Variants in FAM193A observed in about 807,000 individuals in gnomAD.
The protein encoded by FAM193A is protein FAM193A.
In FAM193A, 22 loss-of-function variants were observed where a neutral mutation model predicts 126.5. The observed-to-expected ratio is 0.17, with a 90% CI of 0.12 to 0.25. The LOEUF is 0.25. Ranked by LOEUF, FAM193A falls within the 10% of genes least tolerant of loss-of-function variation. The pLI is 1.00. For synonymous variants in FAM193A, 761 were observed against 646.8 expected (o/e 1.18, Z -2.68); for missense variants, 1,675 against 1,672.8 (o/e 1.00, Z -0.02).
chr4:2,614,336 T>C (rs1252940603), intron 2 of FAM193A, among the ~76,000 whole-genome samples: 2 of 152,230 alleles, frequency 1.3e-5, no homozygotes, highest in Non-Finnish European at 2.9e-5. Context: ...TATGAATAGA[T>C]ACTGAATTTT....
At chr4:2,535,728 C>T (rs763391052), upstream of FAM193A, among the ~76,000 whole-genome samples, 16 of 152,162 alleles carry the variant, frequency 1.1e-4, no homozygotes, top group Non-Finnish European at 2.4e-4. Context: ...TGCGTGAGTG[C>T]GAGGGTGTGG....
intron 2 of FAM193A, among the ~76,000 whole-genome samples, chr4:2,596,590 G>A (rs1469812692): frequency 6.6e-6 from 1 of 152,230 alleles, no homozygotes; most frequent in Non-Finnish European, 1.5e-5. Context: ...TTTTGGCTTT[G>A]AGCTTAGTAT....
chr4:2,571,229 C>A (rs1739275983), intron 1 of FAM193A, among the ~76,000 whole-genome samples: 1 of 152,186 alleles, frequency 6.6e-6, no homozygotes, highest in South Asian at 2.1e-4. Flanking sequence ...TATGACAGGC[C>A]TTGTTGTGGG....
intron 5 of FAM193A, among the ~76,000 whole-genome samples, chr4:2,639,420 T>C (rs1744391094): frequency 6.6e-6 from 1 of 152,146 alleles, no homozygotes; most frequent in South Asian, 2.1e-4. Flanking sequence ...TTGTGAGAAA[T>C]GACTCTCAAA....
intron 1 of FAM193A, among the ~76,000 whole-genome samples, chr4:2,553,434 G>A (rs1305464400): frequency 7.0e-6 from 1 of 143,830 alleles, no homozygotes; most frequent in Non-Finnish European, 1.5e-5. Flanking sequence ...AGGTTAGAGT[G>A]CAGTGGTGCG....
At chr4:2,572,501 T>C (rs1739352245) in intron 1 of FAM193A, among the ~76,000 whole-genome samples, 1 of 152,098 alleles carries the variant, frequency 6.6e-6, no homozygotes, top group African/African-American at 2.4e-5. Flanking sequence ...GGACACTGTA[T>C]GTCCTCCTGA....
At position 2,548,071 on chromosome 4, in the gene FAM193A, ATT is replaced by A. The variant is rs35770924; in HGVS notation, c.255+10918_255+10919del. On this transcript the variant is annotated intron_variant, in intron 1 of 20. Transcript: ENST00000637812. Reference sequence around the variant, plus strand: ...GCAGTGTTTTATCAAGACTTTGCCTATTTTTTTTTTTTTTTTTTGAGACAAAG... The same window carrying A: ...GCAGTGTTTTATCAAGACTTTGCCTATTTTTTTTTTTTTTTTGAGACAAAG... Among the ~76,000 whole-genome samples the A allele has an allele frequency of 1.0e-2, 1,273 of 127,736 alleles. 11 individuals are homozygous for A. The highest frequency in any genetic ancestry group is 0.024 in the African/African-American group (846 of 35,068). 83.8% of individuals were successfully genotyped at this position (127,736 alleles called of 152,430 possible).
rs369684789 is a variant in FAM193A, at chr4:2,633,301, A to C, written c.1038+2132A>C. Among the ~76,000 whole-genome samples, 4 of 152,172 alleles carry C rather than the reference A, an allele frequency of 2.6e-5. No homozygotes were observed. In the East Asian group the frequency reaches 7.8e-4, roughly 30 times the overall value. ...GTAGTCCCAGCTACTCGGGAGGCTG[A>C]GGCAGGAGAATCACTTGAACCCGGG... On this transcript the variant is annotated intron_variant, in intron 5 of 20. Transcript: ENST00000637812.
chr4:2,592,276 C>T (rs562661673), intron 1 of FAM193A, among the ~76,000 whole-genome samples: 1 of 152,130 alleles, frequency 6.6e-6, no homozygotes, highest in South Asian at 2.1e-4. Flanking sequence ...TTTTAGTAGA[C>T]ACGGGGTTTC....
chr4:2,651,672 G>A (rs574832249), intron 7 of FAM193A, among the ~76,000 whole-genome samples: 53 of 152,322 alleles, frequency 3.5e-4, no homozygotes, highest in Non-Finnish European at 6.5e-4. Context: ...GGACAAAGGT[G>A]AACCATATCA....
chr4:2,718,287 A>G (rs1161167474), intron 20 of FAM193A, among the ~76,000 whole-genome samples: 1 of 152,158 alleles, frequency 6.6e-6, no homozygotes, highest in African/African-American at 2.4e-5. Flanking sequence ...ATTAAGAATA[A>G]TAGAGAAAAA....
intron 12 of FAM193A, 34 bp downstream of exon 12, chr4:2,663,322 C>G: frequency 1.3e-6 from 2 of 1,502,394 alleles, no homozygotes; most frequent in South Asian, 1.3e-5. Flanking sequence ...CCAAGGATCT[C>G]TTTTTCTGTG....
rs764901626 is a variant in FAM193A at position 2,690,805 on chromosome 4, G to C, written c.2638G>C (p.Ala880Pro). 4 of 1,614,126 alleles carry C rather than the reference G, an allele frequency of 2.5e-6. No homozygotes were observed. Among genetic ancestry groups the C allele is most frequent in the Non-Finnish European group, 8.5e-7 (1 of 1,180,030 alleles). ...CTCGGATAGTAAAGAGAAAAAGAAT[G>C]CTGCAAAAAAGAAATGTTTATACAA... is the stretch of plus-strand genomic sequence containing the variant. Reference protein sequence around the residue: ...AVSDSKEKKNAAKKKCLYNFQ... With the variant: ...AVSDSKEKKNPAKKKCLYNFQ... The change falls in exon 15 of 21, where the codon GCT becomes CCT. Residue 880 changes from alanine (A) to proline (P), a missense_variant. Ala to Pro is a conservative substitution (Grantham distance 27). This residue lies in a region of FAM193A where 1,186 missense variants were observed against 1,109.2 expected (regional missense o/e 1.07). Coordinates refer to ENST00000637812, the MANE Select transcript of FAM193A (RefSeq NM_001366318.2).
intron 2 of FAM193A, among the ~76,000 whole-genome samples, chr4:2,617,233 G>GTT (rs1742247545): frequency 2.0e-5 from 1 of 48,816 alleles, no homozygotes; most frequent in Non-Finnish European, 3.6e-5. Flanking sequence ...TCAGAAGTAT[G>GTT]TTTTTATTAT....
intron 1 of FAM193A, among the ~76,000 whole-genome samples, chr4:2,545,600 T>C (rs535283750): frequency 2.0e-5 from 3 of 152,310 alleles, no homozygotes; most frequent in Admixed American, 6.5e-5. Flanking sequence ...GATTTGACTT[T>C]AGTGGGTACT....
intron 19 of FAM193A, among the ~76,000 whole-genome samples, chr4:2,701,579 C>A (rs1422284243): frequency 1.3e-5 from 2 of 152,090 alleles, no homozygotes; most frequent in African/African-American, 4.8e-5. Flanking sequence ...TGTCCCATCA[C>A]TGGGGATGGG....
intron 13 of FAM193A, among the ~76,000 whole-genome samples, chr4:2,677,598 G>A (rs1001644622): frequency 2.6e-4 from 39 of 151,996 alleles, no homozygotes; most frequent in Admixed American, 1.8e-3. Flanking sequence ...AAAATTAGCC[G>A]GGCGTGGTGG....
At chr4:2,555,209 T>G (rs1284165379) in intron 1 of FAM193A, among the ~76,000 whole-genome samples, 4 of 152,244 alleles carry the variant, frequency 2.6e-5, no homozygotes, top group South Asian at 2.1e-4. Context: ...CTAGATTACA[T>G]GAACATGGTG....
chr4:2,669,157 G>A (rs28473706), intron 12 of FAM193A, among the ~76,000 whole-genome samples: 3,245 of 152,196 alleles, frequency 0.021, 131 homozygotes, highest in African/African-American at 0.074. Flanking sequence ...TTTATACAGT[G>A]TTTTCTATTT....
Sources: gnomAD v4.1 joint callset for allele counts (sites outside exome capture counted in the v4.1 genomes callset) on GRCh38, gnomAD v4.1.1 for gene constraint, gnomAD v4.1.1 regional missense constraint, MANE v1.5 for transcripts, NCBI Gene and HGNC (gene_info 2026-07-23, HGNC 2026-07-21) for gene names.